GRAMD4: variants seen among roughly 807,000 people sequenced by gnomAD.
The protein encoded by GRAMD4 is GRAM domain containing 4, also known as GRAM domain-containing protein 4.
In GRAMD4, 25 loss-of-function variants were observed where a neutral mutation model predicts 83.9. The observed-to-expected ratio is 0.30, with a 90% CI of 0.22 to 0.42. GRAMD4 has a LOEUF of 0.42. Ranked by LOEUF, GRAMD4 falls within the 10% of genes least tolerant of loss-of-function variation. The pLI, the probability that GRAMD4 is intolerant of heterozygous loss-of-function variation, is 1.00. For synonymous variants in GRAMD4, 336 were observed against 320.9 expected (o/e 1.05, Z -0.50); for missense variants, 593 against 788.7 (o/e 0.75, Z 2.97).
chr22:46,641,166 G>A (rs1306076128), intron 3 of GRAMD4, among the ~76,000 whole-genome samples: 3 of 152,126 alleles, frequency 2.0e-5, no homozygotes, highest in Non-Finnish European at 4.4e-5. Flanking sequence ...TTTGCCTGCC[G>A]GGTTCAAGCG....
intron 1 of GRAMD4, among the ~76,000 whole-genome samples, chr22:46,608,116 G>A (rs1414797815): frequency 6.6e-6 from 1 of 152,214 alleles, no homozygotes; most frequent in African/African-American, 2.4e-5. Flanking sequence ...TGGACATGCA[G>A]TATTCCAGCT....
intron 1 of GRAMD4, among the ~76,000 whole-genome samples, chr22:46,625,907 C>T (rs1296455216): frequency 1.3e-5 from 2 of 152,246 alleles, no homozygotes; most frequent in African/African-American, 4.8e-5. Context: ...TGATGCAGCA[C>T]ACAGTGACTC....
intron 2 of GRAMD4, among the ~76,000 whole-genome samples, chr22:46,635,705 A>C (rs867849103): frequency 1.9e-3 from 92 of 49,580 alleles, no homozygotes; most frequent in African/African-American, 2.4e-3. Flanking sequence ...CCTGCTCCCC[A>C]CCCCTGACCA....
chr22:46,626,908 C>T lies in GRAMD4; in HGVS notation c.109C>T (p.Pro37Ser), dbSNP rs866159364. The change falls in exon 2 of 19, where the codon CCC (proline) becomes TCC (serine). Residue 37 changes from proline to serine, a missense_variant. Around this residue, in one of 4 missense-constraint regions of GRAMD4, gnomAD observed 312 missense variants for 350.7 expected, o/e 0.89. Transcript: ENST00000406902. ...ASDTECSDEI[P>S]LKVPRTSPRD... ...GGACACCGAATGCAGCGACGAAATC[C>T]CCCTGAAGGTACCGCGGACCTCGCC... 7.4e-6 allele frequency: 12 copies of T among 1,614,052 alleles called. No individual in the cohort carries two copies. The highest frequency in any genetic ancestry group is 1.3e-5 in the African/African-American group (1 of 74,932).
Position 46,630,892 on chromosome 22 carries a change from C to T in GRAMD4, c.162+3931C>T, listed in dbSNP as rs570245002. On this transcript the variant is annotated intron_variant, in intron 2 of 18. Transcript: ENST00000406902. ...CCCCGAGGGCCGTGTGCCCTCACCC[C>T]GGCCTCCGCAGTGTGCCCTCCATAG... Among the ~76,000 whole-genome samples the T allele has an allele frequency of 4.4e-4, 39 of 89,036 alleles. 2 individuals are homozygous for T. Among genetic ancestry groups the T allele is most frequent in the Admixed American group, 2.9e-3 (20 of 6,838 alleles). The allele number at this position is 89,036 out of a possible 152,430, so 58.4% of individuals were successfully genotyped here. A position where few individuals can be genotyped will look rare whatever the true frequency, so the allele number is the denominator to read the frequency against.
downstream of GRAMD4, among the ~76,000 whole-genome samples, chr22:46,680,184 T>G (rs1409470325): frequency 6.6e-6 from 1 of 152,176 alleles, no homozygotes; most frequent in East Asian, 1.9e-4. Context: ...CACTTTGGTG[T>G]CCTGGCTGCC....
intron 3 of GRAMD4, among the ~76,000 whole-genome samples, chr22:46,651,014 T>G (rs1218887831): frequency 6.6e-6 from 1 of 152,104 alleles, no homozygotes; most frequent in Non-Finnish European, 1.5e-5. Flanking sequence ...TAGGTTGGAG[T>G]GGGGGCAGGC....
intron 1 of GRAMD4, among the ~76,000 whole-genome samples, chr22:46,581,797 C>T (rs2081101552): frequency 6.6e-6 from 1 of 152,216 alleles, no homozygotes; most frequent in African/African-American, 2.4e-5. Context: ...ACCTAAGCCC[C>T]ATATGCACGG....
In GRAMD4 at chr22:46,655,955, C is replaced by T. The variant is rs151282834; in HGVS notation, c.284-2232C>T. On this transcript the variant is annotated intron_variant, in intron 3 of 18. Transcript: ENST00000406902. The stretch of plus-strand genomic sequence containing the variant: ...GAAAAGTAGCCGTGCCAGGGCCAGA[C>T]GCTTCTCCCCAGAACGGAGGCGGGG... 3.8e-4 allele frequency among the ~76,000 whole-genome samples: 58 copies of T among 152,292 alleles called. No individual in the cohort carries two copies. In the East Asian group the frequency reaches 7.5e-3, roughly 20 times the overall value.
intron 3 of GRAMD4, among the ~76,000 whole-genome samples, chr22:46,641,001 A>T (rs369490775): frequency 7.2e-5 from 11 of 152,354 alleles, no homozygotes; most frequent in African/African-American, 2.6e-4. Flanking sequence ...ACTTAAGCTC[A>T]AATTTCCCTG....
At chr22:46,664,139 C>T (rs773856158) in intron 8 of GRAMD4, 22 bp downstream of exon 8, 16 of 1,536,460 alleles carry the variant, frequency 1.0e-5, no homozygotes, top group East Asian at 2.2e-5. Context: ...CTCCAGGGGC[C>T]GAGCAGGGTG....
chr22:46,637,022 G>A (rs550336884), intron 2 of GRAMD4, among the ~76,000 whole-genome samples: 8 of 152,284 alleles, frequency 5.3e-5, no homozygotes, highest in South Asian at 4.1e-4. Context: ...GCCGCTGTTC[G>A]GAGTTTGCTC....
intron 3 of GRAMD4, among the ~76,000 whole-genome samples, chr22:46,650,732 C>T (rs1246144291): frequency 2.6e-5 from 4 of 152,216 alleles, no homozygotes; most frequent in Non-Finnish European, 2.9e-5. Context: ...ACGCCAGGCT[C>T]TTGTCCTGTC....
Position 46,631,218 on chromosome 22 carries a change from G to A in GRAMD4, c.162+4257G>A, listed in dbSNP as rs144678434. ...TCAGTGTGCAGTTCAGGGGCACGGA[G>A]CACATGCCCTCTGTTGTGCCACCAT... On this transcript the variant is annotated intron_variant, in intron 2 of 18. Transcript: ENST00000406902. 2.7e-3 allele frequency among the ~76,000 whole-genome samples: 410 copies of A among 152,350 alleles called. 4 individuals are homozygous for A. Among genetic ancestry groups the A allele is most frequent in the African/African-American group, 9.3e-3 (387 of 41,578 alleles).
chr22:46,619,196 C>G (rs114533481), upstream of GRAMD4, among the ~76,000 whole-genome samples: 20 of 152,134 alleles, frequency 1.3e-4, no homozygotes, highest in Non-Finnish European at 2.6e-4. Context: ...AGGTCGGGCA[C>G]GGGCTGGAAG....
At position 46,677,267 on chromosome 22, in the gene GRAMD4, G is replaced by A; in HGVS notation, c.*16G>A. On this transcript the variant is annotated 3_prime_UTR_variant, in exon 19 of 19. Coordinates refer to ENST00000406902, the MANE Select transcript of GRAMD4 (RefSeq NM_015124.5). ...GGACAGCTAGTATTGACTTGCCCAGGACGTTGCTGGAATTTTCTTTTTCTT... is the reference window on the plus strand; with the variant it reads ...GGACAGCTAGTATTGACTTGCCCAGAACGTTGCTGGAATTTTCTTTTTCTT... The A allele has an allele frequency of 6.3e-7, 1 of 1,575,968 alleles. No individual in the cohort carries two copies. The highest frequency in any genetic ancestry group is 2.2e-5 in the East Asian group (1 of 44,742).
chr22:46,614,643 A>C (rs1270083556), intron 1 of GRAMD4, among the ~76,000 whole-genome samples: 1 of 152,212 alleles, frequency 6.6e-6, no homozygotes, highest in Non-Finnish European at 1.5e-5. Context: ...TCATGAAAGC[A>C]TTCTGTGGGA....
chr22:46,636,540 T>TA, intron 2 of GRAMD4, among the ~76,000 whole-genome samples: 1 of 152,230 alleles, frequency 6.6e-6, no homozygotes, highest in South Asian at 2.1e-4. Flanking sequence ...GCGTGGGTGA[T>TA]ACATGTGCAA....
At chr22:46,680,606 T>TCCCACC (rs1569313504), downstream of GRAMD4, among the ~76,000 whole-genome samples, 3 of 36,386 alleles carry the variant, frequency 8.2e-5, no homozygotes, top group Non-Finnish European at 1.1e-4. Flanking sequence ...ACCCACCCAT[T>TCCCACC]CATCCATCCA....
Sources: allele counts gnomAD v4.1 joint callset (sites outside exome capture counted in the v4.1 genomes callset), GRCh38; gene constraint gnomAD v4.1.1; regional missense constraint gnomAD v4.1.1; transcripts MANE v1.5; gene names NCBI Gene and HGNC (gene_info 2026-07-23, HGNC 2026-07-21).